The following GPC6 variants were observed in gnomAD, a reference collection of about 807,000 sequenced individuals.
GPC6 encodes glypican-6.
In GPC6, 14 loss-of-function variants were observed where a neutral mutation model predicts 55.2. The ratio of observed to expected loss-of-function variants is 0.25; its 90% confidence interval spans 0.17 to 0.40. GPC6 has a LOEUF of 0.40. Ranked by LOEUF, GPC6 falls within the 10% of genes least tolerant of loss-of-function variation. The pLI is 1.00. For synonymous variants in GPC6, 278 were observed against 259.6 expected (o/e 1.07, Z -0.68); for missense variants, 641 against 708.5 (o/e 0.90, Z 1.08).
chr13:94,090,530 A>T (rs1466146274), intron 4 of GPC6, among the ~76,000 whole-genome samples: 3 of 152,168 alleles, frequency 2.0e-5, no homozygotes, highest in Non-Finnish European at 4.4e-5. Flanking sequence ...CATGCTTTAT[A>T]AACTGGGCTG....
At chr13:93,782,580 T>C (rs925078467) in intron 2 of GPC6, among the ~76,000 whole-genome samples, 1 of 152,136 alleles carries the variant, frequency 6.6e-6, no homozygotes, top group Non-Finnish European at 1.5e-5. Flanking sequence ...TTTCTCCACA[T>C]TTTTACCAAC....
chr13:93,534,208 T>G, intron 1 of GPC6, among the ~76,000 whole-genome samples: 1 of 152,152 alleles, frequency 6.6e-6, no homozygotes, highest in Non-Finnish European at 1.5e-5. Flanking sequence ...AAAAGAAATA[T>G]TTTTCCAAGG....
At chr13:93,632,144 G>A (rs1380509468) in intron 2 of GPC6, among the ~76,000 whole-genome samples, 1 of 152,118 alleles carries the variant, frequency 6.6e-6, no homozygotes, top group Non-Finnish European at 1.5e-5. Context: ...TTAAAACATT[G>A]GATTGCCTCA....
intron 1 of GPC6, among the ~76,000 whole-genome samples, chr13:93,515,477 G>T (rs562666190): frequency 6.6e-6 from 1 of 152,104 alleles, no homozygotes; most frequent in African/African-American, 2.4e-5. Flanking sequence ...TTTTGGAGAT[G>T]GATTGGAGCT....
intron 4 of GPC6, among the ~76,000 whole-genome samples, chr13:94,076,668 A>C (rs1884925265): frequency 6.6e-6 from 1 of 151,920 alleles, no homozygotes; most frequent in Non-Finnish European, 1.5e-5. Flanking sequence ...ATGGTATAAG[A>C]TACAGTCCCA....
intron 6 of GPC6, among the ~76,000 whole-genome samples, chr13:94,339,857 G>A (rs372557498): frequency 3.5e-5 from 5 of 144,232 alleles, no homozygotes; most frequent in Admixed American, 7.2e-5. Flanking sequence ...TCCAACTTCC[G>A]GGTTCAAGCA....
At chr13:93,332,596 A>G (rs1879892515) in intron 1 of GPC6, among the ~76,000 whole-genome samples, 1 of 152,032 alleles carries the variant, frequency 6.6e-6, no homozygotes, top group African/African-American at 2.4e-5. Context: ...GATTCCATAT[A>G]TATTCTTGTT....
chr13:94,099,570 A>G (rs1374656539), intron 4 of GPC6, among the ~76,000 whole-genome samples: 2 of 152,144 alleles, frequency 1.3e-5, no homozygotes, highest in Non-Finnish European at 2.9e-5. Context: ...CTGCTGCGCC[A>G]ATTTGAAACT....
At chr13:93,947,718 C>CT (rs1879075430) in intron 3 of GPC6, among the ~76,000 whole-genome samples, 1 of 151,474 alleles carries the variant, frequency 6.6e-6, no homozygotes, top group South Asian at 2.1e-4. Context: ...AAAGTGGTTT[C>CT]TTTTTTTTCC....
At chr13:94,302,631 G>T (rs1415050691) in intron 5 of GPC6, among the ~76,000 whole-genome samples, 2 of 152,178 alleles carry the variant, frequency 1.3e-5, no homozygotes, top group African/African-American at 4.8e-5. Context: ...AAAAACAACG[G>T]CAAAGTACTC....
At chr13:93,455,782 G>C (rs1444031386) in intron 1 of GPC6, among the ~76,000 whole-genome samples, 1 of 152,080 alleles carries the variant, frequency 6.6e-6, no homozygotes, top group Non-Finnish European at 1.5e-5. Flanking sequence ...CATCCTGTTA[G>C]TCTGCAAGTA....
intron 4 of GPC6, among the ~76,000 whole-genome samples, chr13:94,113,610 A>G (rs1358789479): frequency 6.6e-6 from 1 of 152,180 alleles, no homozygotes; most frequent in Non-Finnish European, 1.5e-5. Context: ...TAGCTAATGC[A>G]TAAAATATGT....
At chr13:94,175,832 C>T (rs1260971201) in intron 4 of GPC6, among the ~76,000 whole-genome samples, 1 of 147,260 alleles carries the variant, frequency 6.8e-6, no homozygotes, top group Non-Finnish European at 1.5e-5. Flanking sequence ...TAAATATATA[C>T]ATGTGTATAT....
At chr13:93,761,568 G>T (rs2138877454) in intron 2 of GPC6, among the ~76,000 whole-genome samples, 1 of 152,176 alleles carries the variant, frequency 6.6e-6, no homozygotes, top group South Asian at 2.1e-4. Flanking sequence ...CCAGGCTGCA[G>T]TGCAGTGGTG....
intron 1 of GPC6, among the ~76,000 whole-genome samples, chr13:93,297,852 G>A (rs1247389480): frequency 3.3e-5 from 5 of 152,120 alleles, no homozygotes; most frequent in East Asian, 3.9e-4. Context: ...AAGAAAATGC[G>A]ATGGGACATA....
rs138885642 is a variant in GPC6 at position 93,584,241 on chromosome 13, G to C, written c.319+38820G>C. 3.4e-3 allele frequency among the ~76,000 whole-genome samples: 514 copies of C among 152,238 alleles called. 2 individuals are homozygous for C. Among genetic ancestry groups the C allele is most frequent in the Middle Eastern group, 0.02 (6 of 294 alleles). On this transcript the variant is annotated intron_variant, in intron 2 of 8. Coordinates refer to ENST00000377047, the MANE Select transcript of GPC6 (RefSeq NM_005708.5). Reference sequence around the variant, plus strand: ...TGTGCTGTGAGGGTGGAAATATTTTGGGGTGGGTGACTAATAACTTTATTT... The same window carrying C: ...TGTGCTGTGAGGGTGGAAATATTTTCGGGTGGGTGACTAATAACTTTATTT...
chr13:93,251,555 A>G (rs1028370410), intron 1 of GPC6, among the ~76,000 whole-genome samples: 2 of 152,220 alleles, frequency 1.3e-5, no homozygotes, highest in Non-Finnish European at 2.9e-5. Context: ...TGCAGATACT[A>G]CTATATAGAA....
At chr13:94,171,111 G>A (rs1040492770) in intron 4 of GPC6, among the ~76,000 whole-genome samples, 9 of 152,162 alleles carry the variant, frequency 5.9e-5, no homozygotes, top group Non-Finnish European at 1.2e-4. Context: ...AGAAGCCCAA[G>A]TGTACAACCT....
chr13:93,652,798 G>A (rs74718123), intron 2 of GPC6, among the ~76,000 whole-genome samples: 13 of 152,254 alleles, frequency 8.5e-5, no homozygotes, highest in Non-Finnish European at 1.6e-4. Flanking sequence ...TTTGTTTCAG[G>A]GGTTATTTGG....
Sources: gnomAD v4.1 joint callset for allele counts (sites outside exome capture counted in the v4.1 genomes callset) on GRCh38, gnomAD v4.1.1 for gene constraint, MANE v1.5 for transcripts, NCBI Gene and HGNC (gene_info 2026-07-23, HGNC 2026-07-21) for gene names.